The following XKR4 variants were observed in gnomAD, a reference collection of about 807,000 sequenced individuals.
The protein encoded by XKR4 is XK-related protein 4.
XKR4 carries 12 observed loss-of-function variants against 53.9 expected under a neutral mutation model. The ratio of observed to expected loss-of-function variants is 0.22; its 90% CI spans 0.14 to 0.36. The LOEUF is 0.36. XKR4 is among the 10% of genes least tolerant of loss of function. The pLI is 1.00. For missense variants in XKR4, 799 were observed against 859.5 expected, an observed-to-expected ratio of 0.93 and a Z score of 0.88; for synonymous variants, 354 against 362.4, an observed-to-expected ratio of 0.98 and a Z score of 0.26.
At chr8:55,285,977 A>G (rs1818902462) in intron 1 of XKR4, among the ~76,000 whole-genome samples, 1 of 152,244 alleles carries the variant, frequency 6.6e-6, no homozygotes, top group Non-Finnish European at 1.5e-5. Context: ...AGTTGAAAGC[A>G]GGCTCACAGG....
intron 2 of XKR4, chr8:55,454,713 G>A (rs1805530417): frequency 1.2e-6 from 1 of 836,278 alleles, no homozygotes; most frequent in South Asian, 1.4e-5. Context: ...CGGCATAGAT[G>A]AGGCCGAGGC....
chr8:55,282,516 GGA>G (rs1818857282), intron 1 of XKR4, among the ~76,000 whole-genome samples: 1 of 152,074 alleles, frequency 6.6e-6, no homozygotes, highest in African/African-American at 2.4e-5. Context: ...GGTGCTAGAT[GGA>G]GCAATAGATA....
chr8:55,403,383 G>A lies in XKR4; in HGVS notation c.1006+45506G>A, dbSNP rs139207387. On this transcript the variant is annotated intron_variant, in intron 2 of 2. Transcript: ENST00000327381. ...ATAGCTAGGCTACTTCTGTGAGAAA[G>A]ATCTATAAATTAAGTAAGATAAGTG... Among the ~76,000 whole-genome samples, 1,472 of 152,322 alleles carry A rather than the reference G, an allele frequency of 9.7e-3. 25 individuals carry two copies. Among genetic ancestry groups the A allele is most frequent in the African/African-American group, 0.033 (1,363 of 41,570 alleles).
chr8:55,394,320 T>C (rs1353505802), intron 2 of XKR4, among the ~76,000 whole-genome samples: 2 of 152,336 alleles, frequency 1.3e-5, no homozygotes, highest in South Asian at 2.1e-4. Context: ...TGTAGTCATC[T>C]GAGTAACTAA....
At chr8:55,246,017 G>A (rs150277042) in intron 1 of XKR4, among the ~76,000 whole-genome samples, 4 of 152,312 alleles carry the variant, frequency 2.6e-5, no homozygotes, top group South Asian at 2.1e-4. Flanking sequence ...CACAAGAACC[G>A]CTTGAACCCA....
At chr8:55,452,954 C>G in intron 2 of XKR4, 1 of 776,868 alleles carries the variant, frequency 1.3e-6, no homozygotes, top group Non-Finnish European at 2.3e-6. Flanking sequence ...TCAGCTCCTG[C>G]TGCTTCTCAC....
intron 1 of XKR4, among the ~76,000 whole-genome samples, chr8:55,231,821 A>G (rs1818045149): frequency 6.6e-6 from 1 of 152,294 alleles, no homozygotes; most frequent in Non-Finnish European, 1.5e-5. Flanking sequence ...CAAATCCTGT[A>G]AACTCCACTC....
chr8:55,413,504 G>A (rs967375136), intron 2 of XKR4, among the ~76,000 whole-genome samples: 1 of 152,210 alleles, frequency 6.6e-6, no homozygotes, highest in Admixed American at 6.5e-5. Flanking sequence ...GAGATTACAG[G>A]CATGAGCCAC....
intron 2 of XKR4, among the ~76,000 whole-genome samples, chr8:55,432,545 T>A (rs61053257): frequency 0.27 from 40,378 of 152,056 alleles, 6,052 homozygotes; most frequent in African/African-American, 0.41. Flanking sequence ...TCATAGGAAT[T>A]GCAGTGATCT....
At chr8:55,266,344 G>A (rs1347616924) in intron 1 of XKR4, among the ~76,000 whole-genome samples, 2 of 151,844 alleles carry the variant, frequency 1.3e-5, no homozygotes, top group African/African-American at 4.8e-5. Flanking sequence ...TGCATTGCAT[G>A]GCACCATCCT....
At chr8:55,376,726 C>T (rs1474001561) in intron 2 of XKR4, among the ~76,000 whole-genome samples, 7 of 152,078 alleles carry the variant, frequency 4.6e-5, no homozygotes, top group Admixed American at 4.6e-4. Flanking sequence ...GGAGATATTT[C>T]CTACAGTTCT....
At chr8:55,398,111 G>T (rs1485922236) in intron 2 of XKR4, among the ~76,000 whole-genome samples, 2 of 152,140 alleles carry the variant, frequency 1.3e-5, no homozygotes, top group African/African-American at 4.8e-5. Flanking sequence ...CCCCACCAGG[G>T]ATATGCGCAC....
rs1807064422 is a variant in XKR4 at position 55,538,714 on chromosome 8, T to G, written c.*14487T>G. The G allele has an allele frequency of 6.6e-6, 1 of 152,196 alleles. No individual in the cohort carries two copies. The highest frequency in any genetic ancestry group is 2.4e-5 in the African/African-American group (1 of 41,440). The allele number at this position is 152,196 out of a possible 1,614,324, so 9.4% of individuals were successfully genotyped here. A position where few individuals can be genotyped will look rare whatever the true frequency, so the allele number is the denominator to read the frequency against. On this transcript the variant is annotated 3_prime_UTR_variant, in exon 3 of 3. Transcript: ENST00000327381. ...CCAAGCTGCATTTTTTCAGAATGCG[T>G]GCATGATGCCCCAGTTCTGTACTCA...
chr8:55,107,389 A>G (rs1208294951), intron 1 of XKR4, among the ~76,000 whole-genome samples: 6 of 152,234 alleles, frequency 3.9e-5, no homozygotes, highest in African/African-American at 1.4e-4. Context: ...TAATGATGAC[A>G]ACAATGTATA....
chr8:55,105,222 T>G (rs1451367375), intron 1 of XKR4, among the ~76,000 whole-genome samples: 1 of 152,150 alleles, frequency 6.6e-6, no homozygotes, highest in Non-Finnish European at 1.5e-5. Flanking sequence ...GAAAAATGAT[T>G]CTTAATTTTC....
intron 1 of XKR4, among the ~76,000 whole-genome samples, chr8:55,346,213 G>T (rs572450111): frequency 6.6e-6 from 1 of 151,828 alleles, no homozygotes; most frequent in South Asian, 2.1e-4. Context: ...AGCCTTCCGA[G>T]TAGCAGGGAT....
intron 2 of XKR4, among the ~76,000 whole-genome samples, chr8:55,360,706 C>A (rs1803890447): frequency 6.6e-6 from 1 of 152,168 alleles, no homozygotes; most frequent in Non-Finnish European, 1.5e-5. Flanking sequence ...TCTTTAAACC[C>A]AATTTCAACC....
chr8:55,291,133 C>T (rs1351892578), intron 1 of XKR4, among the ~76,000 whole-genome samples: 2 of 152,106 alleles, frequency 1.3e-5, no homozygotes, highest in Non-Finnish European at 2.9e-5. Context: ...TATTTTTCCT[C>T]TGTTGGATTT....
chr8:55,150,605 C>T (rs545246571), intron 1 of XKR4, among the ~76,000 whole-genome samples: 14 of 152,190 alleles, frequency 9.2e-5, no homozygotes, highest in Non-Finnish European at 1.8e-4. Context: ...CGTCCTTCTT[C>T]CCTTTTTCTG....
Sources: allele counts gnomAD v4.1 joint callset (sites outside exome capture counted in the v4.1 genomes callset), GRCh38; gene constraint gnomAD v4.1.1; transcripts MANE v1.5; gene names NCBI Gene and HGNC (gene_info 2026-07-23, HGNC 2026-07-21).